Variants in MGMT observed in about 807,000 individuals in gnomAD.
The protein encoded by MGMT is O-6-methylguanine-DNA methyltransferase, also known as methylated-DNA--protein-cysteine methyltransferase.
MGMT carries 14 observed loss-of-function variants against 15.9 expected under a neutral mutation model. That is an observed-to-expected ratio of 0.88 (90% CI 0.58 to 1.37). The LOEUF (loss-of-function observed/expected upper bound fraction) is 1.37. Among genes scored for constraint, MGMT ranks in the 40% most tolerant of loss-of-function variants. The probability of loss-of-function intolerance (pLI) is 0.00; values close to 1 mark genes in which losing one functional copy is unlikely to be tolerated. For synonymous variants in MGMT, 130 were observed against 118.2 expected (o/e 1.10, Z -0.65); for missense variants, 282 against 268.1 (o/e 1.05, Z -0.36).
chr10:129,766,771 G>T lies in MGMT; in HGVS notation c.415-17G>T. 1 of 1,603,438 alleles carries T rather than the reference G, an allele frequency of 6.2e-7. No individual in the cohort carries two copies. Among genetic ancestry groups the T allele is most frequent in the Non-Finnish European group, 8.5e-7 (1 of 1,174,082 alleles). ...TCCAGATCCCTGACTGACAGTGGCT[G>T]CCCCCCTGTCTTCCAGGTCCCCATC... On this transcript the variant is annotated splice_polypyrimidine_tract_variant and intron_variant, in intron 4 of 4. Coordinates refer to ENST00000651593, the MANE Select transcript of MGMT (RefSeq NM_002412.5).
intron 3 of MGMT, among the ~76,000 whole-genome samples, chr10:129,753,789 A>G (rs1309695686): frequency 1.2e-4 from 18 of 152,136 alleles, no homozygotes; most frequent in Admixed American, 1.0e-3. Flanking sequence ...CAGCCTTGGC[A>G]TGAGTTGATT....
At chr10:129,759,133 G>A in intron 3 of MGMT, 69 bp from the exon 4 acceptor site, 1 of 1,574,054 alleles carries the variant, frequency 6.4e-7, no homozygotes, top group Non-Finnish European at 8.7e-7. Context: ...TTTGGGACTA[G>A]TGGCTATTTA....
intron 2 of MGMT, among the ~76,000 whole-genome samples, chr10:129,557,249 A>G (rs531944245): frequency 6.6e-6 from 1 of 152,310 alleles, no homozygotes; most frequent in Admixed American, 6.5e-5. Flanking sequence ...CTCGCCCTGT[A>G]TCTTGGTCTT....
chr10:129,614,959 A>G (rs1285538870), intron 2 of MGMT, among the ~76,000 whole-genome samples: 2 of 151,234 alleles, frequency 1.3e-5, no homozygotes, highest in African/African-American at 4.9e-5. Flanking sequence ...CCTGGCTCAC[A>G]TTGGTTTTTG....
At chr10:129,467,420 A>G in intron 1 of MGMT, 124 bp downstream of exon 1, 4 of 1,364,404 alleles carry the variant, frequency 2.9e-6, no homozygotes, top group East Asian at 3.1e-5. Context: ...CCTGACCCCC[A>G]CCCATCCCGG....
intron 3 of MGMT, among the ~76,000 whole-genome samples, chr10:129,758,552 A>G (rs946704676): frequency 7.9e-5 from 12 of 152,164 alleles, no homozygotes; most frequent in Non-Finnish European, 1.6e-4. Context: ...TCATTCCTGC[A>G]GCAGGATGCG....
At chr10:129,610,188 A>G (rs545940100) in intron 2 of MGMT, among the ~76,000 whole-genome samples, 1 of 152,340 alleles carries the variant, frequency 6.6e-6, no homozygotes, top group African/African-American at 2.4e-5. Flanking sequence ...TATTTTTATC[A>G]TTAGAATTTA....
chr10:129,497,087 A>C (rs1302767797), intron 1 of MGMT, among the ~76,000 whole-genome samples: 1 of 152,162 alleles, frequency 6.6e-6, no homozygotes, highest in Non-Finnish European at 1.5e-5. Context: ...TAGGGGGAGC[A>C]TCATTTCCTG....
At chr10:129,718,502 A>C (rs1848327293) in intron 3 of MGMT, among the ~76,000 whole-genome samples, 1 of 150,720 alleles carries the variant, frequency 6.6e-6, no homozygotes, top group South Asian at 2.1e-4. Flanking sequence ...AGGCTTGCAC[A>C]GCTGACCCGA....
In MGMT at chr10:129,759,377, C is replaced by T. The variant is rs2308326; in HGVS notation, c.414+36C>T. 1.7e-3 allele frequency: 2,728 copies of T among 1,612,942 alleles called. 52 individuals are homozygous for T. In the Admixed American group the frequency reaches 0.036, roughly 21 times the overall value. ...ATGGCGCAAGCATGGCTGTGGGTGG[C>T]GGGTGCGTGCAGGTGGCAGGGTGTC... is the stretch of plus-strand genomic sequence containing the variant. On this transcript the variant is annotated intron_variant, in intron 4 of 4. Transcript: ENST00000651593.
chr10:129,700,894 A>G (rs938425056), intron 2 of MGMT: 3 of 152,178 alleles, frequency 2.0e-5, no homozygotes, highest in African/African-American at 7.2e-5. Context: ...ATATTTAGCA[A>G]GAGTCTCCAT....
intron 4 of MGMT, among the ~76,000 whole-genome samples, chr10:129,765,776 TC>T (rs1030389614): frequency 3.3e-5 from 5 of 151,692 alleles, no homozygotes; most frequent in African/African-American, 1.2e-4. Flanking sequence ...ACCCCTCTCT[TC>T]CTCCCTTGTC....
chr10:129,734,947 G>T (rs1278528279), intron 3 of MGMT, among the ~76,000 whole-genome samples: 1 of 152,164 alleles, frequency 6.6e-6, no homozygotes. Flanking sequence ...TTGATGTGCT[G>T]CTGGATTCGG....
intron 1 of MGMT, among the ~76,000 whole-genome samples, chr10:129,501,630 G>C (rs1435639458): frequency 6.6e-6 from 1 of 152,190 alleles, no homozygotes; most frequent in Non-Finnish European, 1.5e-5. Flanking sequence ...TTATCATCAA[G>C]ATAAGCAACT....
chr10:129,712,999 C>G (rs1848250423), intron 3 of MGMT, among the ~76,000 whole-genome samples: 2 of 152,198 alleles, frequency 1.3e-5, no homozygotes, highest in Non-Finnish European at 1.5e-5. Flanking sequence ...AGTTTTTCTA[C>G]AGAGACACTG....
At chr10:129,555,048 C>A (rs960853098) in intron 2 of MGMT, among the ~76,000 whole-genome samples, 2 of 152,150 alleles carry the variant, frequency 1.3e-5, no homozygotes, top group African/African-American at 4.8e-5. Context: ...ACAACGCCAC[C>A]CCATAGTAAG....
Position 129,698,050 on chromosome 10 carries a change from G to C in MGMT, c.126-9845G>C, listed in dbSNP as rs115127796. ...GACGTTGACTCTCCATGTCTGGTCT[G>C]TGCAGGAAAGAGTGAGTCCTCTCTT... On this transcript the variant is annotated intron_variant, in intron 2 of 4. Transcript: ENST00000651593. 1.1e-3 allele frequency among the ~76,000 whole-genome samples: 167 copies of C among 152,328 alleles called. 1 individual carries two copies. The highest frequency in any genetic ancestry group is 3.9e-3 in the African/African-American group (161 of 41,580).
At chr10:129,624,240 G>A (rs1019898000) in intron 2 of MGMT, among the ~76,000 whole-genome samples, 3 of 152,224 alleles carry the variant, frequency 2.0e-5, no homozygotes, top group South Asian at 2.1e-4. Context: ...CCTCACTCAC[G>A]GCAGATTTCC....
intron 2 of MGMT, among the ~76,000 whole-genome samples, chr10:129,618,779 A>G (rs1847057935): frequency 1.9e-5 from 1 of 52,114 alleles, no homozygotes; most frequent in African/African-American, 4.1e-5. Context: ...TTTAGTTTCA[A>G]TTCCCAGTAT....
Sources: allele counts gnomAD v4.1 joint callset (sites outside exome capture counted in the v4.1 genomes callset), GRCh38; gene constraint gnomAD v4.1.1; transcripts MANE v1.5; gene names NCBI Gene and HGNC (gene_info 2026-07-23, HGNC 2026-07-21).